Variants in GCN1 observed in about 807,000 individuals in gnomAD.
GCN1 encodes stalled ribosome sensor GCN1.
GCN1 carries 90 observed loss-of-function variants against 288.4 expected under a neutral mutation model. The ratio of observed to expected loss-of-function variants is 0.31; its 90% CI spans 0.26 to 0.37. The LOEUF (loss-of-function observed/expected upper bound fraction) is 0.37. GCN1 is among the 10% of genes least tolerant of loss of function. The pLI is 1.00. For synonymous variants in GCN1, 1,386 were observed against 1,420.2 expected (o/e 0.98, Z 0.54); for missense variants, 2,586 against 3,419.9 (o/e 0.76, Z 6.08).
Position 120,134,471 on chromosome 12 carries a change from G to C in GCN1, c.7202+62C>G, listed in dbSNP as rs576595030. On this transcript the variant is annotated intron_variant, in intron 52 of 57. Transcript: ENST00000300648. The surrounding 1 kb of genome is among the most constrained non-coding windows in gnomAD (Gnocchi z 5.0). ...ACCACCACCCCTCCTGCCAGCGCAG[G>C]CTCGGCCCACAGCAACCCCTGGCCT... The C allele has an allele frequency of 2.0e-4, 315 of 1,594,652 alleles. 3 individuals are homozygous for C. In the South Asian group the frequency reaches 3.3e-3, roughly 17 times the overall value.
rs770344321 is a variant in GCN1, at chr12:120,156,931, G to A, written c.3149C>T (p.Thr1050Met). The A allele has an allele frequency of 2.7e-5, 43 of 1,611,478 alleles. 1 individual carries two copies. In the South Asian group the frequency reaches 4.1e-4, roughly 15 times the overall value. ...MLRLLTWVIG[T>M]GSPRLQVLAS... Reference sequence around the variant, plus strand: ...CATCACCTGTAAGCGAGGCGAGCCCGTCCCGATCACCCAAGTCAGAAGACG... The same window carrying A: ...CATCACCTGTAAGCGAGGCGAGCCCATCCCGATCACCCAAGTCAGAAGACG... The change falls in exon 27 of 58, where the codon ACG (threonine) becomes ATG (methionine). Residue 1050 changes from threonine (T) to methionine (M), a missense_variant. Thr to Met is a moderately conservative substitution (Grantham distance 81). Coordinates refer to ENST00000300648, the MANE Select transcript of GCN1 (RefSeq NM_006836.2). The surrounding 1 kb of genome is among the most constrained non-coding windows in gnomAD (Gnocchi z 5.8).
chr12:120,181,671 C>T (rs1878667488), intron 5 of GCN1, among the ~76,000 whole-genome samples: 1 of 151,506 alleles, frequency 6.6e-6, no homozygotes, highest in Non-Finnish European at 1.5e-5. Flanking sequence ...GAAACCCCGT[C>T]TCTAGTAAAA....
chr12:120,131,541 T>C (rs1876823771), intron 54 of GCN1, among the ~76,000 whole-genome samples: 1 of 152,232 alleles, frequency 6.6e-6, no homozygotes, highest in South Asian at 2.1e-4. Context: ...AGCCTGCTCA[T>C]GAACCACTCC....
At chr12:120,187,851 A>G (rs894751696) in intron 2 of GCN1, among the ~76,000 whole-genome samples, 1 of 151,296 alleles carries the variant, frequency 6.6e-6, no homozygotes, top group African/African-American at 2.4e-5. Flanking sequence ...TTGAGAGCCA[A>G]TGCTATACGG....
In GCN1 at chr12:120,127,623, T is replaced by G; in HGVS notation, c.*226A>C. On this transcript the variant is annotated 3_prime_UTR_variant, in exon 58 of 58. Coordinates refer to ENST00000300648, the MANE Select transcript of GCN1 (RefSeq NM_006836.2). ...CTGGGCTGCCATTTGCTGAGGCGCA[T>G]GCGTGTGCTTTTCCTTCTCTTCTCC... The G allele has an allele frequency of 1.9e-6, 1 of 523,616 alleles. No homozygotes were observed. Among genetic ancestry groups the G allele is most frequent in the South Asian group, 2.1e-5 (1 of 47,128 alleles). 32.4% of individuals were successfully genotyped at this position (523,616 alleles called of 1,614,324 possible). A position where few individuals can be genotyped will look rare whatever the true frequency, so the allele number is the denominator to read the frequency against.
Position 120,137,463 on chromosome 12 carries a change from G to A in GCN1, c.6663+82C>T. 1 of 1,501,544 alleles carries A rather than the reference G, an allele frequency of 6.7e-7. No homozygotes were observed. The highest frequency in any genetic ancestry group is 9.2e-7 in the Non-Finnish European group (1 of 1,085,026). 93.0% of individuals were successfully genotyped at this position (1,501,544 alleles called of 1,614,324 possible). ...CCGAAGCTGAGTGACAGGTACGTGG[G>A]GGATTCTTATAAGTCTATTCCTGTA... On this transcript the variant is annotated intron_variant, in intron 49 of 57. Coordinates refer to ENST00000300648, the MANE Select transcript of GCN1 (RefSeq NM_006836.2). The surrounding 1 kb of genome is among the most constrained non-coding windows in gnomAD (Gnocchi z 5.2).
chr12:120,168,307 GAAACAAA>G lies in GCN1; in HGVS notation c.1520-14_1520-8del. 1 of 1,546,212 alleles carries G rather than the reference GAAACAAA, an allele frequency of 6.5e-7. No individual in the cohort carries two copies. The highest frequency in any genetic ancestry group is 8.9e-7 in the Non-Finnish European group (1 of 1,118,152). ...AAACTGCTCAGTTTGGCCTCTGCAA[GAAACAAA>G]AGGTTACCCCACGACGCAGCTCACC... On this transcript the variant is annotated splice_polypyrimidine_tract_variant and splice_region_variant and intron_variant, in intron 15 of 57. Transcript: ENST00000300648.
rs374407747 is a variant in GCN1, at chr12:120,136,529, G to A, written c.6981C>T (p.Leu2327=). ...TAGCCAACAAGAGGCTGAGTGTCTC[G>A]AGCAGAGCCGCCTTCACATTCCAGC... ...RFSWNVKAAL[L]ETLSLLLAKV... The change falls in exon 51 of 58, where the codon CTC becomes CTT. Residue 2327 remains leucine, a synonymous_variant. Coordinates refer to ENST00000300648, the MANE Select transcript of GCN1 (RefSeq NM_006836.2). 8.7e-6 allele frequency: 14 copies of A among 1,613,972 alleles called. No homozygotes were observed. The highest frequency in any genetic ancestry group is 8.0e-5 in the African/African-American group (6 of 74,950).
chr12:120,147,545 T>C (rs1304213908), intron 37 of GCN1, among the ~76,000 whole-genome samples: 2 of 152,250 alleles, frequency 1.3e-5, no homozygotes, highest in African/African-American at 4.8e-5. Flanking sequence ...TTGAAAAGCA[T>C]GTATCCTTAG....
chr12:120,164,403 G>A lies in GCN1; in HGVS notation c.1781C>T (p.Ser594Phe). The A allele has an allele frequency of 1.2e-6, 2 of 1,614,180 alleles. No homozygotes were observed. The highest frequency in any genetic ancestry group is 1.7e-6 in the Non-Finnish European group (2 of 1,180,020). Reference protein sequence around the residue: ...AQQTVRKLLSSLGGFKLAHGL... With the variant: ...AQQTVRKLLSFLGGFKLAHGL... ...GTGCGCCAGCTTAAAGCCCCCAAGA[G>A]AGGACAGCAGCTTCCGAACTGTCTG... The change falls in exon 18 of 58, where the codon TCT (serine) becomes TTT (phenylalanine). Residue 594 changes from serine to phenylalanine, a missense_variant. By Grantham distance (155) the Ser-to-Phe change is radical. This residue lies in a region of GCN1 where 913 missense variants were observed against 1,107.0 expected (regional missense o/e 0.82). Transcript: ENST00000300648.
rs1344363131 is a variant in GCN1 at position 120,158,581 on chromosome 12, C to T, written c.2784G>A (p.Leu928=). ...ACTTATCCAGGACACACTCTGGCTT[C>T]AGCAGGCGCAGGGTCACGTGGCTCA... ...TLVSHVTLRL[L]KPECVLDKSW... is the part of the protein sequence containing the mutation. The change falls in exon 25 of 58, where the codon CTG becomes CTA. Residue 928 remains leucine (L), a synonymous_variant. Coordinates refer to ENST00000300648, the MANE Select transcript of GCN1 (RefSeq NM_006836.2). The surrounding 1 kb of genome is among the most constrained non-coding windows in gnomAD (Gnocchi z 4.3). 7.5e-6 allele frequency: 12 copies of T among 1,608,440 alleles called. No homozygotes were observed. Among genetic ancestry groups the T allele is most frequent in the African/African-American group, 1.3e-5 (1 of 74,858 alleles).
intron 15 of GCN1, among the ~76,000 whole-genome samples, chr12:120,169,848 T>C (rs1386343519): frequency 1.3e-5 from 2 of 152,222 alleles, no homozygotes; most frequent in Non-Finnish European, 2.9e-5. Context: ...TCTCATGTTA[T>C]ATCCTTTTGA....
chr12:120,183,015 AC>A (rs1432501471), intron 5 of GCN1, among the ~76,000 whole-genome samples: 1 of 151,606 alleles, frequency 6.6e-6, no homozygotes, highest in Non-Finnish European at 1.5e-5. Context: ...CTACCCAGGC[AC>A]ATGTCTGCTC....
intron 9 of GCN1, among the ~76,000 whole-genome samples, chr12:120,177,187 C>T (rs957338219): frequency 1.3e-5 from 2 of 152,106 alleles, no homozygotes; most frequent in Non-Finnish European, 2.9e-5. Flanking sequence ...ATCAGCCTCC[C>T]GAGTTGAGCT....
At chr12:120,194,328 G>A (rs1196482100) in intron 1 of GCN1, among the ~76,000 whole-genome samples, 1 of 152,258 alleles carries the variant, frequency 6.6e-6, no homozygotes, top group Non-Finnish European at 1.5e-5. Flanking sequence ...AAAGTTTAAG[G>A]AAGACTTGGC....
chr12:120,164,418 C>A lies in GCN1; in HGVS notation c.1766G>T (p.Arg589Leu). The A allele has an allele frequency of 6.2e-7, 1 of 1,614,160 alleles. No homozygotes were observed. Among genetic ancestry groups the A allele is most frequent in the Non-Finnish European group, 8.5e-7 (1 of 1,180,018 alleles). ...GCCCCCAAGAGAGGACAGCAGCTTCCGAACTGTCTGCTGAGCCTGCCTGCG... is the reference window on the plus strand; with the variant it reads ...GCCCCCAAGAGAGGACAGCAGCTTCAGAACTGTCTGCTGAGCCTGCCTGCG... ...HVRRQAQQTV[R>L]KLLSSLGGFK... Residue 589 changes from arginine (R) to leucine (L), a missense_variant, in exon 18 of 58, where the codon CGG (arginine) becomes CTG (leucine). Physicochemically the swap from Arg to Leu is moderately radical, Grantham distance 102. Around this residue, in one of 8 missense-constraint regions of GCN1, gnomAD observed 913 missense variants for 1,107.0 expected, o/e 0.82. Coordinates refer to ENST00000300648, the MANE Select transcript of GCN1 (RefSeq NM_006836.2).
chr12:120,152,927 A>C (rs1456604125), intron 33 of GCN1, among the ~76,000 whole-genome samples: 2 of 152,076 alleles, frequency 1.3e-5, no homozygotes, highest in African/African-American at 2.4e-5. Flanking sequence ...CAAAGTAACA[A>C]AGAAACTCCC....
rs139589665 is a variant in GCN1 at position 120,187,735 on chromosome 12, C to T, written c.121+2563G>A. ...TCAACCTCCCAAGTAGCTGGGGCTA[C>T]AGCACCTCCAGGATTTCCGATTTGA... On this transcript the variant is annotated intron_variant, in intron 2 of 57. Transcript: ENST00000300648. 7.9e-5 allele frequency among the ~76,000 whole-genome samples: 12 copies of T among 152,192 alleles called. 1 individual carries two copies. In the East Asian group the frequency reaches 2.3e-3, roughly 29 times the overall value.
chr12:120,165,114 A>C (rs1878076297), intron 16 of GCN1, among the ~76,000 whole-genome samples: 1 of 150,836 alleles, frequency 6.6e-6, no homozygotes, highest in South Asian at 2.1e-4. Flanking sequence ...GCACGATCTC[A>C]GGGCTTACTG....
Sources: gnomAD v4.1 joint callset for allele counts (sites outside exome capture counted in the v4.1 genomes callset) on GRCh38, gnomAD v4.1.1 for gene constraint, gnomAD v4.1.1 regional missense constraint, Gnocchi (gnomAD v3.1) non-coding constraint, MANE v1.5 for transcripts, NCBI Gene and HGNC (gene_info 2026-07-23, HGNC 2026-07-21) for gene names.